CYRIA: variants seen among roughly 807,000 people sequenced by gnomAD.
CYRIA encodes the protein CYFIP-related Rac1 interactor A.
In CYRIA, 15 loss-of-function variants were observed where a neutral mutation model predicts 43.9. The ratio of observed to expected loss-of-function variants is 0.34; its 90% CI spans 0.23 to 0.53. CYRIA has a LOEUF of 0.53. Among genes scored for constraint, CYRIA ranks in the 20% least tolerant of loss-of-function variants. CYRIA has a pLI of 0.94. For synonymous variants in CYRIA, 117 were observed against 136.0 expected (o/e 0.86, Z 0.97); for missense variants, 236 against 394.2 (o/e 0.60, Z 3.40).
chr2:16,588,228 G>C, intron 2 of CYRIA, 99 bp from the exon 3 acceptor site: 1 of 681,194 alleles, frequency 1.5e-6, no homozygotes, highest in Non-Finnish European at 2.5e-6. Flanking sequence ...TTGAAGACCA[G>C]AAAGAGAGCA....
At chr2:16,655,374 G>A (rs1424262165) in intron 1 of CYRIA, among the ~76,000 whole-genome samples, 7 of 152,176 alleles carry the variant, frequency 4.6e-5, no homozygotes, top group African/African-American at 1.7e-4. Context: ...GAGGCTCAGG[G>A]AGGGGAGGAG....
chr2:16,581,981 A>T (rs1667566424), intron 3 of CYRIA, among the ~76,000 whole-genome samples: 1 of 152,204 alleles, frequency 6.6e-6, no homozygotes, highest in Non-Finnish European at 1.5e-5. Flanking sequence ...AACTTAAAAA[A>T]CTTATAGATT....
chr2:16,563,773 G>C (rs1666831569), intron 5 of CYRIA, among the ~76,000 whole-genome samples: 1 of 152,182 alleles, frequency 6.6e-6, no homozygotes, highest in Non-Finnish European at 1.5e-5. Context: ...CACTAGTAGA[G>C]ACACACTAAA....
chr2:16,559,379 G>A (rs1454042179), intron 10 of CYRIA, 81 bp downstream of exon 10: 1 of 1,495,162 alleles, frequency 6.7e-7, no homozygotes, highest in African/African-American at 1.4e-5. Flanking sequence ...GAGAGGTCCT[G>A]AGGTGCCTGA....
chr2:16,601,725 A>AGAG (rs1553342775), intron 2 of CYRIA, among the ~76,000 whole-genome samples: 6 of 151,182 alleles, frequency 4.0e-5, no homozygotes, highest in African/African-American at 1.5e-4. Context: ...AAAAAAAAAA[A>AGAG]AGAGAGAATT....
chr2:16,565,773 A>C lies in CYRIA; in HGVS notation c.71-6T>G. 1.3e-6 allele frequency: 2 copies of C among 1,557,372 alleles called. No homozygotes were observed. Among genetic ancestry groups the C allele is most frequent in the African/African-American group, 1.4e-5 (1 of 73,954 alleles). Reference sequence around the variant, plus strand: ...TCCTTCTGTAGGCTGAGCATCTAAGAAACAGGGAAACCGAGAGACAGAGTG... The same window carrying C: ...TCCTTCTGTAGGCTGAGCATCTAAGCAACAGGGAAACCGAGAGACAGAGTG... On this transcript the variant is annotated splice_polypyrimidine_tract_variant and splice_region_variant and intron_variant, in intron 3 of 11. Transcript: ENST00000381323.
At chr2:16,643,322 A>C (rs1432898691) in intron 1 of CYRIA, among the ~76,000 whole-genome samples, 4 of 152,130 alleles carry the variant, frequency 2.6e-5, no homozygotes, top group African/African-American at 9.7e-5. Flanking sequence ...AGGCAGCTGA[A>C]AGGCTCCTGT....
intron 2 of CYRIA, among the ~76,000 whole-genome samples, chr2:16,616,487 C>T (rs1051522922): frequency 5.9e-5 from 9 of 152,176 alleles, no homozygotes; most frequent in Admixed American, 2.6e-4. Context: ...GAGGACTCCT[C>T]GCTCAGAGGA....
intron 8 of CYRIA, 29 bp from the exon 9 acceptor site, chr2:16,561,098 T>C (rs745931079): frequency 6.2e-7 from 1 of 1,611,360 alleles, no homozygotes; most frequent in Non-Finnish European, 8.5e-7. Flanking sequence ...TGTACATTAG[T>C]CCTGCTTGCA....
intron 6 of CYRIA, 48 bp from the exon 7 acceptor site, chr2:16,561,581 G>T (rs189587043): frequency 2.1e-6 from 3 of 1,409,266 alleles, no homozygotes; most frequent in Non-Finnish European, 3.0e-6. Flanking sequence ...GTATCAGATG[G>T]GGTATATGCA....
At chr2:16,554,170 T>G (rs1462776327) in intron 11 of CYRIA, among the ~76,000 whole-genome samples, 8 of 152,150 alleles carry the variant, frequency 5.3e-5, no homozygotes. Context: ...ATGAGCATTG[T>G]ACATAGGTAG....
intron 1 of CYRIA, among the ~76,000 whole-genome samples, chr2:16,625,347 C>T (rs367738934): frequency 6.2e-5 from 9 of 146,216 alleles, no homozygotes; most frequent in Admixed American, 3.5e-4. Flanking sequence ...TGTTCCTGTT[C>T]TCAGACAACA....
At chr2:16,560,554 T>TA (rs1666687374) in intron 9 of CYRIA, 1 of 176,394 alleles carries the variant, frequency 5.7e-6, no homozygotes, top group Non-Finnish European at 1.2e-5. Context: ...GCAACTAGTT[T>TA]AGGTACAAAA....
intron 2 of CYRIA, among the ~76,000 whole-genome samples, chr2:16,610,897 CATATATATATATATATATATATAT>C (rs60848949): frequency 0.46 from 42,880 of 93,276 alleles, 7,954 homozygotes; most frequent in Middle Eastern, 0.59. Context: ...TTAGTCCCAA[CATATATATATATATATATATATAT>C]ATATATATAT....
intron 2 of CYRIA, among the ~76,000 whole-genome samples, chr2:16,604,064 T>C (rs1020235789): frequency 5.9e-5 from 9 of 152,198 alleles, no homozygotes; most frequent in African/African-American, 1.4e-4. Context: ...ACCTGGCCTC[T>C]CACGTCGTCA....
chr2:16,613,736 G>A (rs532654681), intron 2 of CYRIA, among the ~76,000 whole-genome samples: 1 of 152,336 alleles, frequency 6.6e-6, no homozygotes, highest in African/African-American at 2.4e-5. Flanking sequence ...CAAAGCAGAA[G>A]TATCAAGTTC....
At chr2:16,642,098 C>T (rs1462783037) in intron 1 of CYRIA, among the ~76,000 whole-genome samples, 1 of 152,176 alleles carries the variant, frequency 6.6e-6, no homozygotes, top group Admixed American at 6.5e-5. Context: ...TCAGGACTCA[C>T]TCCTTTGGTG....
At chr2:16,564,723 T>C (rs1377854816) in intron 4 of CYRIA, among the ~76,000 whole-genome samples, 5 of 152,186 alleles carry the variant, frequency 3.3e-5, no homozygotes, top group African/African-American at 1.2e-4. Context: ...TGTGTTGGTA[T>C]TGCCACAAAA....
At chr2:16,567,817 C>T (rs1238311519) in intron 3 of CYRIA, among the ~76,000 whole-genome samples, 1 of 152,108 alleles carries the variant, frequency 6.6e-6, no homozygotes, top group Non-Finnish European at 1.5e-5. Context: ...AATGTCTGTA[C>T]ACAAGGACTC....
Sources: allele counts gnomAD v4.1 joint callset (sites outside exome capture counted in the v4.1 genomes callset), GRCh38; gene constraint gnomAD v4.1.1; transcripts MANE v1.5; gene names NCBI Gene and HGNC (gene_info 2026-07-23, HGNC 2026-07-21).